Variants in PCGF3 observed in about 807,000 individuals in gnomAD.
PCGF3 encodes the protein polycomb group ring finger 3.
PCGF3 carries 7 observed loss-of-function variants against 33.1 expected under a neutral mutation model. That is an observed-to-expected ratio of 0.21 (90% CI 0.12 to 0.40). The LOEUF is 0.40. PCGF3 is among the 10% of genes least tolerant of loss of function. The pLI is 1.00. For synonymous variants in PCGF3, 153 were observed against 121.3 expected (o/e 1.26, Z -1.72); for missense variants, 211 against 313.3 (o/e 0.67, Z 2.46).
intron 1 of PCGF3, among the ~76,000 whole-genome samples, chr4:718,125 A>G (rs910870365): frequency 3.3e-5 from 5 of 152,032 alleles, no homozygotes; most frequent in Non-Finnish European, 7.4e-5. Context: ...CTGTCAGAGG[A>G]GGTCAGGGCA....
At chr4:754,811 G>A (rs1033743771) in intron 8 of PCGF3, among the ~76,000 whole-genome samples, 12 of 152,232 alleles carry the variant, frequency 7.9e-5, no homozygotes, top group African/African-American at 2.9e-4. Context: ...TGCACGGCCA[G>A]GGTGGCCATG....
At chr4:742,374 C>CCCTGG (rs1263807015) in intron 6 of PCGF3, among the ~76,000 whole-genome samples, 2 of 152,248 alleles carry the variant, frequency 1.3e-5, no homozygotes, top group Non-Finnish European at 2.9e-5. Context: ...CAGAGCGTTT[C>CCCTGG]CCTGGCCTGG....
chr4:749,618 C>T (rs111386626), intron 8 of PCGF3, among the ~76,000 whole-genome samples: 6,075 of 150,104 alleles, frequency 0.04, 165 homozygotes, highest in East Asian at 0.11. Context: ...TCCTAAGTAG[C>T]TGGGATTACA....
At chr4:766,652 C>T (rs1165184306) in exon 11 of PCGF3, 1 of 151,948 alleles carries the variant, frequency 6.6e-6, no homozygotes, top group Non-Finnish European at 1.5e-5. Flanking sequence ...TATTTAATTT[C>T]CCACCTTATG....
intron 1 of PCGF3, among the ~76,000 whole-genome samples, chr4:729,258 T>G (rs1743454231): frequency 6.6e-6 from 1 of 151,158 alleles, no homozygotes; most frequent in African/African-American, 2.4e-5. Flanking sequence ...CTACTAAAAA[T>G]ACAAAAATTA....
intron 8 of PCGF3, among the ~76,000 whole-genome samples, chr4:748,324 C>CGA (rs1744360808): frequency 6.6e-6 from 1 of 151,958 alleles, no homozygotes. Flanking sequence ...CTCAGCCTCC[C>CGA]GAGTAGCTGG....
At position 769,479 on chromosome 4, in the gene PCGF3, A is replaced by G. The variant is rs142746191; in HGVS notation, c.*3400A>G. 1.8e-4 allele frequency: 27 copies of G among 152,852 alleles called. No individual in the cohort carries two copies. In the East Asian group the frequency reaches 4.6e-3, roughly 26 times the overall value. 9.5% of individuals were successfully genotyped at this position (152,852 alleles called of 1,614,324 possible). On this transcript the variant is annotated 3_prime_UTR_variant, in exon 11 of 11. Coordinates refer to ENST00000362003, the Ensembl canonical transcript of PCGF3. ...AGTCATTACTGCGCCACCACATCAC[A>G]TGACCTTAACATGATCAATGTATTT...
rs1745363054 is a variant in PCGF3, at chr4:766,187, T to A, written c.*108T>A. 6.2e-6 allele frequency: 5 copies of A among 812,638 alleles called. No homozygotes were observed. In the Admixed American group the frequency reaches 1.2e-4, roughly 19 times the overall value. The allele number at this position is 812,638 out of a possible 1,614,324, so 50.3% of individuals were successfully genotyped here. ...GTGTCATGTGGACCAGACTTCTGAA[T>A]AGAGAATATTTATAACTTTTGTATG... On this transcript the variant is annotated 3_prime_UTR_variant, in exon 11 of 11. Transcript: ENST00000362003.
At chr4:719,960 G>T (rs1289272792) in intron 1 of PCGF3, among the ~76,000 whole-genome samples, 2 of 152,212 alleles carry the variant, frequency 1.3e-5, no homozygotes, top group Non-Finnish European at 2.9e-5. Context: ...CTGTGGTGCG[G>T]TTCACAGCGT....
At chr4:739,879 C>A (rs1366911220) in intron 6 of PCGF3, among the ~76,000 whole-genome samples, 1 of 152,208 alleles carries the variant, frequency 6.6e-6, no homozygotes, top group African/African-American at 2.4e-5. Context: ...AGATTGACAC[C>A]CCCAGGGCAC....
chr4:754,764 G>A (rs1744693958), intron 8 of PCGF3, among the ~76,000 whole-genome samples: 1 of 152,210 alleles, frequency 6.6e-6, no homozygotes, highest in South Asian at 2.1e-4. Flanking sequence ...TCCCCAGAGG[G>A]TTGCCACTTA....
chr4:761,248 G>T, intron 8 of PCGF3, 31 bp from the exon 9 acceptor site: 1 of 1,548,228 alleles, frequency 6.5e-7, no homozygotes, highest in Non-Finnish European at 8.7e-7. Flanking sequence ...GAACCCTCCT[G>T]CTGCGCTCTC....
At chr4:709,286 A>G (rs1337733334) in intron 1 of PCGF3, among the ~76,000 whole-genome samples, 1 of 151,364 alleles carries the variant, frequency 6.6e-6, no homozygotes, top group Non-Finnish European at 1.5e-5. Flanking sequence ...GCATGAACAA[A>G]TGAATGAAAG....
At chr4:757,079 C>T (rs1744800945) in intron 8 of PCGF3, 1 of 152,222 alleles carries the variant, frequency 6.6e-6, no homozygotes, top group Non-Finnish European at 1.5e-5. Flanking sequence ...CTGTAGTGAC[C>T]TATAGAGAAC....
intron 1 of PCGF3, among the ~76,000 whole-genome samples, chr4:718,273 G>T (rs1443262027): frequency 6.6e-6 from 1 of 152,072 alleles, no homozygotes; most frequent in Non-Finnish European, 1.5e-5. Flanking sequence ...TAGCCCCGGG[G>T]GCGGCGCTGG....
exon 11 of PCGF3, chr4:766,358 C>T (rs894249548): frequency 1.1e-5 from 4 of 357,222 alleles, no homozygotes; most frequent in East Asian, 5.0e-5. Flanking sequence ...CCAGGCAACA[C>T]GGTTCTGAGT....
At chr4:754,666 G>A (rs1744689547) in intron 8 of PCGF3, among the ~76,000 whole-genome samples, 1 of 152,226 alleles carries the variant, frequency 6.6e-6, no homozygotes, top group African/African-American at 2.4e-5. Flanking sequence ...CCTGTGGCGA[G>A]AACTTGCTGT....
intron 1 of PCGF3, among the ~76,000 whole-genome samples, chr4:715,958 G>T (rs1188885046): frequency 2.0e-5 from 2 of 100,280 alleles, no homozygotes; most frequent in African/African-American, 6.9e-5. Flanking sequence ...ACTGGGCGTC[G>T]GTGCTGGGAC....
chr4:769,797 G>C (rs1745546369), exon 11 of PCGF3: 1 of 152,824 alleles, frequency 6.5e-6, no homozygotes. Context: ...AGCAATGTTG[G>C]GTTGGGGAAG....
Sources: gnomAD v4.1 joint callset for allele counts (sites outside exome capture counted in the v4.1 genomes callset) on GRCh38, gnomAD v4.1.1 for gene constraint, MANE v1.5 for transcripts, NCBI Gene and HGNC (gene_info 2026-07-23, HGNC 2026-07-21) for gene names.